The following ZCCHC17 variants were observed in gnomAD, a reference collection of about 807,000 sequenced individuals.
ZCCHC17 encodes zinc finger CCHC-type containing 17.
A neutral mutation model predicts 30.6 loss-of-function variants in ZCCHC17; 18 were observed. That is an observed-to-expected ratio of 0.59 (90% CI 0.41 to 0.87). The LOEUF (loss-of-function observed/expected upper bound fraction) is 0.87, where lower values mean the gene tolerates loss of function less well. ZCCHC17 is among the 40% of genes least tolerant of loss of function. The pLI is 0.00. For synonymous variants in ZCCHC17, 88 were observed against 92.4 expected (o/e 0.95, Z 0.27); for missense variants, 263 against 284.2 (o/e 0.93, Z 0.54).
chr1:31,319,795 C>G (rs966305451), intron 3 of ZCCHC17, among the ~76,000 whole-genome samples: 2 of 152,090 alleles, frequency 1.3e-5, no homozygotes, highest in African/African-American at 2.4e-5. Flanking sequence ...TCTACTATAT[C>G]ACACTGCTGG....
In ZCCHC17 at chr1:31,337,245, T is replaced by A; in HGVS notation, c.195T>A (p.Asp65Glu). 6.2e-7 allele frequency: 1 copy of A among 1,614,090 alleles called. No individual in the cohort carries two copies. The highest frequency in any genetic ancestry group is 8.5e-7 in the Non-Finnish European group (1 of 1,179,960). The stretch of plus-strand genomic sequence containing the variant: ...CCTCTGAGATAGTAGATGTTGGAGA[T>A]AAAGTGTGGGTGAAGCTTATTGGCC... Reference protein sequence around the residue: ...DKPSEIVDVGDKVWVKLIGRE... With the variant: ...DKPSEIVDVGEKVWVKLIGRE... The change falls in exon 4 of 8, where the codon GAT (aspartate) becomes GAA (glutamate). Residue 65 changes from aspartate (D) to glutamate (E), a missense_variant. Physicochemically the swap from Asp to Glu is conservative, Grantham distance 45. Transcript: ENST00000344147.
intron 7 of ZCCHC17, 147 bp downstream of exon 7, chr1:31,349,121 G>A: frequency 1.2e-6 from 1 of 864,826 alleles, no homozygotes; most frequent in South Asian, 2.2e-5. Context: ...GAAGTTTAAG[G>A]CTGCGGTGCG....
Position 31,318,217 on chromosome 1 carries a change from C to G in ZCCHC17, c.67-892C>G, listed in dbSNP as rs999938690. 4.6e-6 allele frequency: 7 copies of G among 1,534,644 alleles called. No individual in the cohort carries two copies. In the African/African-American group the frequency reaches 9.6e-5, roughly 21 times the overall value. ...AAGATGAAGCAGCTAATTGAAGACA[C>G]TGAAAAGAATAAAGTTTATGTATGT... On this transcript the variant is annotated intron_variant, in intron 2 of 7. Transcript: ENST00000344147.
intron 3 of ZCCHC17, among the ~76,000 whole-genome samples, chr1:31,336,859 A>G (rs1638839170): frequency 6.7e-6 from 1 of 148,876 alleles, no homozygotes; most frequent in Non-Finnish European, 1.5e-5. Flanking sequence ...TTTTTTGTAG[A>G]GACTGGGTTT....
intron 2 of ZCCHC17, among the ~76,000 whole-genome samples, chr1:31,314,050 A>T (rs1331775659): frequency 6.6e-6 from 1 of 152,070 alleles, no homozygotes; most frequent in South Asian, 2.1e-4. Context: ...TTTTTAGTAG[A>T]GACAGAGTTT....
At chr1:31,300,717 C>T (rs1425025969) in intron 1 of ZCCHC17, among the ~76,000 whole-genome samples, 1 of 151,930 alleles carries the variant, frequency 6.6e-6, no homozygotes, top group Non-Finnish European at 1.5e-5. Context: ...AGGTGGATCA[C>T]CTGAGGTCAG....
At chr1:31,330,050 T>C (rs1029401868) in intron 3 of ZCCHC17, among the ~76,000 whole-genome samples, 1 of 152,250 alleles carries the variant, frequency 6.6e-6, no homozygotes, top group Admixed American at 6.5e-5. Context: ...ATGAATTGAC[T>C]TAAACTGTGG....
chr1:31,352,647 A>G (rs773330636), intron 7 of ZCCHC17, among the ~76,000 whole-genome samples: 1 of 152,014 alleles, frequency 6.6e-6, no homozygotes, highest in African/African-American at 2.4e-5. Context: ...GAGTCCTGCT[A>G]TGTTGCTCAG....
At position 31,303,623 on chromosome 1, in the gene ZCCHC17, G is replaced by C. The variant is rs920126168; in HGVS notation, c.-55-6421G>C. 5.3e-5 allele frequency among the ~76,000 whole-genome samples: 8 copies of C among 152,040 alleles called. No homozygotes were observed. In the South Asian group the frequency reaches 1.2e-3, roughly 24 times the overall value. Reference sequence around the variant, plus strand: ...GGGATAGGAGGACAGGATGTGTAGGGTTTTTTTCCCAGTTGCATGTGTACT... The same window carrying C: ...GGGATAGGAGGACAGGATGTGTAGGCTTTTTTTCCCAGTTGCATGTGTACT... On this transcript the variant is annotated intron_variant, in intron 1 of 7. Coordinates refer to ENST00000344147, the MANE Select transcript of ZCCHC17 (RefSeq NM_016505.4).
intron 3 of ZCCHC17, among the ~76,000 whole-genome samples, chr1:31,336,797 T>C (rs576872915): frequency 6.6e-6 from 1 of 151,722 alleles, no homozygotes; most frequent in East Asian, 1.9e-4. Flanking sequence ...CCTAAGTAGC[T>C]AGAGCTACAG....
chr1:31,340,066 C>T (rs1219295853), intron 5 of ZCCHC17, among the ~76,000 whole-genome samples: 1 of 142,698 alleles, frequency 7.0e-6, no homozygotes, highest in Non-Finnish European at 1.5e-5. Context: ...AAGCTATCCT[C>T]CCACCTCAGC....
At chr1:31,304,051 C>T (rs1329307876) in intron 1 of ZCCHC17, among the ~76,000 whole-genome samples, 1 of 152,160 alleles carries the variant, frequency 6.6e-6, no homozygotes, top group Non-Finnish European at 1.5e-5. Context: ...CTTTCTCTGT[C>T]CCTTGTTTTG....
chr1:31,346,798 G>C (rs764141081), intron 6 of ZCCHC17, 58 bp downstream of exon 6: 1 of 1,608,380 alleles, frequency 6.2e-7, no homozygotes, highest in South Asian at 1.1e-5. Context: ...ACCCTTTTCT[G>C]GAAGAAGGAG....
chr1:31,334,544 T>C (rs1030725587), intron 3 of ZCCHC17, among the ~76,000 whole-genome samples: 2 of 152,196 alleles, frequency 1.3e-5, no homozygotes, highest in Non-Finnish European at 2.9e-5. Flanking sequence ...TCTATTATTA[T>C]TTATTATCGA....
chr1:31,351,603 A>G (rs1639472289), intron 7 of ZCCHC17, among the ~76,000 whole-genome samples: 1 of 152,064 alleles, frequency 6.6e-6, no homozygotes, highest in African/African-American at 2.4e-5. Context: ...TTAGCTGGGC[A>G]TGGTGGGGCA....
At chr1:31,330,661 T>A (rs1450730325) in intron 3 of ZCCHC17, among the ~76,000 whole-genome samples, 3 of 152,206 alleles carry the variant, frequency 2.0e-5, no homozygotes, top group Non-Finnish European at 4.4e-5. Flanking sequence ...GGAGACCTGA[T>A]AAACTCATAT....
chr1:31,335,173 G>C (rs1296331158), intron 3 of ZCCHC17, among the ~76,000 whole-genome samples: 2 of 152,086 alleles, frequency 1.3e-5, no homozygotes, highest in African/African-American at 2.4e-5. Context: ...TTTGCTTCTT[G>C]TTTACCAGTG....
intron 6 of ZCCHC17, among the ~76,000 whole-genome samples, chr1:31,348,072 T>A (rs1423280612): frequency 6.6e-6 from 1 of 152,144 alleles, no homozygotes; most frequent in Non-Finnish European, 1.5e-5. Context: ...CTTAACCGTG[T>A]CCAACAGGCA....
chr1:31,337,531 T>C (rs969992449), intron 4 of ZCCHC17, among the ~76,000 whole-genome samples: 4 of 152,136 alleles, frequency 2.6e-5, no homozygotes, highest in Admixed American at 2.0e-4. Context: ...AGTTTACCCA[T>C]AGGGTGGGCC....
Sources: allele counts gnomAD v4.1 joint callset (sites outside exome capture counted in the v4.1 genomes callset), GRCh38; gene constraint gnomAD v4.1.1; transcripts MANE v1.5; gene names NCBI Gene and HGNC (gene_info 2026-07-23, HGNC 2026-07-21).